KLHL28: variants seen among roughly 807,000 people sequenced by gnomAD.
The protein encoded by KLHL28 is kelch like family member 28.
In KLHL28, 22 loss-of-function variants were observed where a neutral mutation model predicts 48.3. The ratio of observed to expected loss-of-function variants is 0.46; its 90% CI spans 0.33 to 0.65. KLHL28 has a LOEUF of 0.65. Among genes scored for constraint, KLHL28 ranks in the 30% least tolerant of loss-of-function variants. The pLI is 0.03. For synonymous variants in KLHL28, 243 were observed against 242.4 expected (o/e 1.00, Z -0.02); for missense variants, 527 against 704.3 (o/e 0.75, Z 2.85).
chr14:44,953,577 A>C (rs2138660741), intron 1 of KLHL28: 1 of 152,526 alleles, frequency 6.6e-6, no homozygotes, highest in Non-Finnish European at 1.5e-5. Flanking sequence ...CAGCCCCCTC[A>C]CCATGTGAGG....
chr14:44,944,934 A>T, intron 2 of KLHL28, 96 bp downstream of exon 2: 2 of 941,904 alleles, frequency 2.1e-6, no homozygotes, highest in Non-Finnish European at 3.1e-6. Context: ...AAAAGTAAAA[A>T]GGAAAATCAA....
intron 1 of KLHL28, 69 bp from the exon 2 acceptor site, chr14:44,945,997 T>C (rs922671611): frequency 8.5e-7 from 1 of 1,178,690 alleles, no homozygotes; most frequent in Non-Finnish European, 1.2e-6. Flanking sequence ...GCTTTTCAAA[T>C]AGTACAGAAT....
chr14:44,929,929 A>G (rs1460970473), intron 4 of KLHL28, among the ~76,000 whole-genome samples: 1 of 152,156 alleles, frequency 6.6e-6, no homozygotes, highest in Admixed American at 6.5e-5. Context: ...ATCTTTCCAT[A>G]GGCTATTTTT....
At chr14:44,957,936 T>C (rs1230021918) in intron 1 of KLHL28, among the ~76,000 whole-genome samples, 1 of 151,952 alleles carries the variant, frequency 6.6e-6, no homozygotes, top group Non-Finnish European at 1.5e-5. Context: ...ATAAAATAAA[T>C]ACACATTAGA....
intron 3 of KLHL28, among the ~76,000 whole-genome samples, chr14:44,933,015 T>A (rs1409807385): frequency 6.6e-6 from 1 of 152,172 alleles, no homozygotes; most frequent in Non-Finnish European, 1.5e-5. Flanking sequence ...ATGCTCAAGT[T>A]CCTTATATAA....
At chr14:44,950,232 A>G (rs1449888876) in intron 1 of KLHL28, among the ~76,000 whole-genome samples, 3 of 151,982 alleles carry the variant, frequency 2.0e-5, no homozygotes, top group Non-Finnish European at 4.4e-5. Flanking sequence ...ATTACTAGTA[A>G]ATTCTTCGAG....
intron 1 of KLHL28, 77 bp from the exon 2 acceptor site, chr14:44,946,005 A>G: frequency 1.8e-6 from 2 of 1,126,720 alleles, no homozygotes; most frequent in Admixed American, 2.2e-5. Flanking sequence ...AATAGTACAG[A>G]ATAATCAGAT....
At chr14:44,932,278 T>C (rs958508516) in intron 3 of KLHL28, among the ~76,000 whole-genome samples, 2 of 150,976 alleles carry the variant, frequency 1.3e-5, no homozygotes, top group Admixed American at 6.6e-5. Context: ...ACCTTTATTT[T>C]TTTTCGTCAC....
In KLHL28 at chr14:44,931,465, C is replaced by G; in HGVS notation, c.1420G>C (p.Val474Leu). The G allele has an allele frequency of 6.2e-7, 1 of 1,614,008 alleles. No individual in the cohort carries two copies. The highest frequency in any genetic ancestry group is 8.5e-7 in the Non-Finnish European group (1 of 1,179,924). ...AAAATAAAGCCTAGCATGACACCCA[C>G]GCCAAAGTGAATCCTTTTATCTGCC... ...SMADKRIHFG[V>L]GVMLGFIFVV... Residue 474 changes from valine to leucine, a missense_variant, in exon 4 of 5, where the codon GTG becomes CTG. Coordinates refer to ENST00000396128, the MANE Select transcript of KLHL28 (RefSeq NM_017658.5).
intron 4 of KLHL28, 28 bp downstream of exon 4, chr14:44,931,305 T>C: frequency 6.8e-7 from 1 of 1,462,456 alleles, no homozygotes; most frequent in Non-Finnish European, 9.6e-7. Flanking sequence ...TTGCCTTACA[T>C]GTTTAGAAAT....
At position 44,929,138 on chromosome 14, in the gene KLHL28, C is replaced by T; in HGVS notation, c.1606G>A (p.Gly536Arg). ...TGCACTGTATTCAGATAGGAAGACCCTGAGTGACCACCGACGACATAAAGG... is the reference window on the plus strand; with the variant it reads ...TGCACTGTATTCAGATAGGAAGACCTTGAGTGACCACCGACGACATAAAGG... ...NYLYVVGGHS[G>R]SSYLNTVQKY... The change falls in exon 5 of 5, where the codon GGG (glycine) becomes AGG (arginine). Residue 536 changes from glycine to arginine, a missense_variant. Transcript: ENST00000396128. 1 of 1,613,166 alleles carries T rather than the reference C, an allele frequency of 6.2e-7. No individual in the cohort carries two copies. Among genetic ancestry groups the T allele is most frequent in the Non-Finnish European group, 8.5e-7 (1 of 1,179,550 alleles).
At chr14:44,938,833 C>T (rs1883947846) in intron 2 of KLHL28, among the ~76,000 whole-genome samples, 1 of 152,118 alleles carries the variant, frequency 6.6e-6, no homozygotes, top group Admixed American at 6.5e-5. Context: ...GAATCTTGTG[C>T]CTACAGTTCT....
rs1010031811 is a variant in KLHL28 at position 44,925,896 on chromosome 14, T to C, written c.*3132A>G. On this transcript the variant is annotated 3_prime_UTR_variant, in exon 5 of 5. Transcript: ENST00000396128. ...CTAACAGATTAAGTTGTTATAATTA[T>C]AGAAGGCAAGTATCTTGCAACTGAT... 6.6e-6 allele frequency: 1 copy of C among 152,234 alleles called. No homozygotes were observed. Among genetic ancestry groups the C allele is most frequent in the Non-Finnish European group, 1.5e-5 (1 of 68,020 alleles). The allele number at this position is 152,234 out of a possible 1,614,324, so 9.4% of individuals were successfully genotyped here.
intron 1 of KLHL28, among the ~76,000 whole-genome samples, chr14:44,958,391 C>G (rs1185718013): frequency 6.6e-6 from 1 of 150,428 alleles, no homozygotes; most frequent in East Asian, 1.9e-4. Flanking sequence ...CAAGATTACT[C>G]TTAAAAAAAA....
chr14:44,953,078 T>G (rs1884654749), intron 1 of KLHL28, among the ~76,000 whole-genome samples: 1 of 152,172 alleles, frequency 6.6e-6, no homozygotes, highest in Admixed American at 6.5e-5. Flanking sequence ...TGTTGTGGAT[T>G]AACAGGATTA....
At chr14:44,932,732 A>G (rs1381589450) in intron 3 of KLHL28, among the ~76,000 whole-genome samples, 1 of 152,230 alleles carries the variant, frequency 6.6e-6, no homozygotes, top group East Asian at 1.9e-4. Flanking sequence ...GACTTTCAAG[A>G]TAATCAAATT....
intron 1 of KLHL28, among the ~76,000 whole-genome samples, chr14:44,951,953 G>A (rs1884602371): frequency 6.6e-6 from 1 of 152,014 alleles, no homozygotes; most frequent in South Asian, 2.1e-4. Context: ...TGACCTCCTG[G>A]GCTCAGGTGA....
intron 4 of KLHL28, among the ~76,000 whole-genome samples, chr14:44,931,007 G>A (rs1883562325): frequency 6.6e-6 from 1 of 152,192 alleles, no homozygotes; most frequent in Non-Finnish European, 1.5e-5. Flanking sequence ...AGGATTGTAT[G>A]TATGTAACAT....
intron 4 of KLHL28, 35 bp downstream of exon 4, chr14:44,931,298 C>T: frequency 2.2e-6 from 3 of 1,369,048 alleles, no homozygotes; most frequent in Non-Finnish European, 3.1e-6. Context: ...GAAAACATTG[C>T]CTTACATGTT....
Sources: allele counts gnomAD v4.1 joint callset (sites outside exome capture counted in the v4.1 genomes callset), GRCh38; gene constraint gnomAD v4.1.1; transcripts MANE v1.5; gene names NCBI Gene and HGNC (gene_info 2026-07-23, HGNC 2026-07-21).